HIVEP1: variants seen among roughly 807,000 people sequenced by gnomAD.
HIVEP1 encodes zinc finger protein 40.
In HIVEP1, 36 loss-of-function variants were observed where a neutral mutation model predicts 180.0. The ratio of observed to expected loss-of-function variants is 0.20; its 90% confidence interval spans 0.15 to 0.26. The LOEUF (loss-of-function observed/expected upper bound fraction) is 0.26, where lower values mean the gene tolerates loss of function less well. Among genes scored for constraint, HIVEP1 ranks in the 10% least tolerant of loss-of-function variants. HIVEP1 has a pLI of 1.00. For synonymous variants in HIVEP1, 1,239 were observed against 1,239.0 expected (o/e 1.00, Z 0.00); for missense variants, 3,143 against 3,268.7 (o/e 0.96, Z 0.94).
chr6:12,200,496 T>C, the HIVEP1 span, among the ~76,000 whole-genome samples: 403 of 152,310 alleles, frequency 2.6e-3, 5 homozygotes, highest in African/African-American at 8.8e-3. Context: ...CTAAGTACCC[T>C]TGTGGCCTAA....
intron 3 of HIVEP1, among the ~76,000 whole-genome samples, chr6:12,104,811 AT>A (rs1468170152): frequency 6.6e-6 from 1 of 151,986 alleles, no homozygotes; most frequent in Admixed American, 6.5e-5. Flanking sequence ...CAATTCTGTA[AT>A]TTATATTTGG....
chr6:12,143,136 A>G (rs1259170404), intron 7 of HIVEP1, among the ~76,000 whole-genome samples: 2 of 152,260 alleles, frequency 1.3e-5, no homozygotes, highest in Non-Finnish European at 2.9e-5. Flanking sequence ...AAAATCCTCA[A>G]TAAAATACTG....
chr6:12,106,023 T>C (rs1016727491), intron 3 of HIVEP1, among the ~76,000 whole-genome samples: 1 of 151,368 alleles, frequency 6.6e-6, no homozygotes, highest in Non-Finnish European at 1.5e-5. Context: ...TACATATATA[T>C]ACACACACAT....
intron 7 of HIVEP1, among the ~76,000 whole-genome samples, chr6:12,147,170 C>T (rs1184642556): frequency 6.6e-6 from 1 of 152,078 alleles, no homozygotes; most frequent in African/African-American, 2.4e-5. Context: ...AGATGCTGTG[C>T]AGGGGAGTTT....
chr6:12,143,366 G>A, intron 7 of HIVEP1, among the ~76,000 whole-genome samples: 1 of 152,134 alleles, frequency 6.6e-6, no homozygotes, highest in East Asian at 1.9e-4. Flanking sequence ...CAATAAGCTA[G>A]GTATTGATGG....
chr6:12,109,363 G>T (rs895007728), intron 3 of HIVEP1, among the ~76,000 whole-genome samples: 7 of 152,184 alleles, frequency 4.6e-5, no homozygotes, highest in Non-Finnish European at 8.8e-5. Context: ...TGTAGCATAG[G>T]ATGGTGTTTG....
intron 5 of HIVEP1, 62 bp from the exon 6 acceptor site, chr6:12,130,705 A>G (rs1758369198): frequency 2.2e-6 from 2 of 901,530 alleles, no homozygotes; most frequent in South Asian, 2.3e-5. Flanking sequence ...AATTTTAATC[A>G]TCAATATTTT....
chr6:12,173,217 ATTGTT>A, the HIVEP1 span, among the ~76,000 whole-genome samples: 1 of 152,194 alleles, frequency 6.6e-6, no homozygotes, highest in African/African-American at 2.4e-5. Context: ...AGCGATTCAC[ATTGTT>A]TTGAGTATTG....
At chr6:12,041,112 C>T (rs764358356) in intron 2 of HIVEP1, among the ~76,000 whole-genome samples, 1 of 152,154 alleles carries the variant, frequency 6.6e-6, no homozygotes, top group South Asian at 2.1e-4. Context: ...TCTCCTGCAT[C>T]TTTCTGTTTT....
intron 2 of HIVEP1, among the ~76,000 whole-genome samples, chr6:12,069,625 T>A (rs1029604177): frequency 4.0e-5 from 6 of 148,792 alleles, no homozygotes; most frequent in Non-Finnish European, 6.0e-5. Context: ...TAATGCTAGA[T>A]GACGAGTTAG....
At chr6:12,099,312 C>T (rs954985668) in intron 3 of HIVEP1, among the ~76,000 whole-genome samples, 1 of 150,840 alleles carries the variant, frequency 6.6e-6, no homozygotes, top group Non-Finnish European at 1.5e-5. Context: ...GGACTACAGG[C>T]GCCCGCCACT....
chr6:12,141,337 C>T (rs1375515589), intron 7 of HIVEP1, among the ~76,000 whole-genome samples: 1 of 151,944 alleles, frequency 6.6e-6, no homozygotes, highest in African/African-American at 2.4e-5. Context: ...ATTTTGTCAC[C>T]ACCAGACCTG....
chr6:12,050,102 A>G (rs766541820), intron 2 of HIVEP1, among the ~76,000 whole-genome samples: 2 of 152,086 alleles, frequency 1.3e-5, no homozygotes, highest in Non-Finnish European at 2.9e-5. Context: ...TCTTACACTG[A>G]CACCATTAAC....
chr6:12,051,569 G>T (rs1183735372), intron 2 of HIVEP1, among the ~76,000 whole-genome samples: 1 of 151,540 alleles, frequency 6.6e-6, no homozygotes, highest in East Asian at 1.9e-4. Flanking sequence ...TATAATTAGT[G>T]CATTTTATTA....
chr6:12,084,697 C>G (rs1773001062), intron 2 of HIVEP1, among the ~76,000 whole-genome samples: 1 of 152,080 alleles, frequency 6.6e-6, no homozygotes, highest in Admixed American at 6.6e-5. Context: ...GATGGTACCT[C>G]TGTCAGTAAA....
At chr6:12,096,989 A>G (rs1773819873) in intron 3 of HIVEP1, among the ~76,000 whole-genome samples, 3 of 152,088 alleles carry the variant, frequency 2.0e-5, no homozygotes, top group South Asian at 2.1e-4. Flanking sequence ...ACAATTTACA[A>G]AATGAAAGCT....
chr6:12,167,694 TACATATATAC>T (rs1466094403), downstream of HIVEP1, among the ~76,000 whole-genome samples: 1 of 63,882 alleles, frequency 1.6e-5, no homozygotes, highest in Non-Finnish European at 3.6e-5. Flanking sequence ...ATAATATATA[TACATATATAC>T]ATATATGCAT....
chr6:12,199,412 A>T, the HIVEP1 span, among the ~76,000 whole-genome samples: 1 of 123,060 alleles, frequency 8.1e-6, no homozygotes, highest in Non-Finnish European at 1.6e-5. Context: ...CCCAGGCTGG[A>T]GGACAATGGC....
chr6:12,065,187 A>G (rs1771490776), intron 2 of HIVEP1, among the ~76,000 whole-genome samples: 1 of 152,204 alleles, frequency 6.6e-6, no homozygotes, highest in Admixed American at 6.5e-5. Flanking sequence ...GGTGTTTCTG[A>G]GAGTTGGAGT....
Sources: gnomAD v4.1 joint callset for allele counts (sites outside exome capture counted in the v4.1 genomes callset) on GRCh38, gnomAD v4.1.1 for gene constraint, MANE v1.5 for transcripts, NCBI Gene and HGNC (gene_info 2026-07-23, HGNC 2026-07-21) for gene names.